Variants in FARS2 observed in about 807,000 individuals in gnomAD.
FARS2 encodes phenylalanine--tRNA ligase, mitochondrial.
In FARS2, 40 loss-of-function variants were observed where a neutral mutation model predicts 46.4. The ratio of observed to expected loss-of-function variants is 0.86; its 90% CI spans 0.67 to 1.12. FARS2 has a LOEUF of 1.12. Ranked by LOEUF, FARS2 falls within the 50% of genes most tolerant of loss-of-function variation. The pLI is 0.00. For missense variants in FARS2, 513 were observed against 567.9 expected, an observed-to-expected ratio of 0.90 and a Z score of 0.98; for synonymous variants, 234 against 214.9, an observed-to-expected ratio of 1.09 and a Z score of -0.78.
Position 5,710,564 on chromosome 6 carries a change from G to A in FARS2, c.1218-60727G>A, listed in dbSNP as rs1349485728. ...TGCGGCTTCCCCCGCTCACTTCCCC[G>A]GGGGGCTTCCTAGGCCACAGCACGG... On this transcript the variant is annotated intron_variant, in intron 6 of 6. Coordinates refer to ENST00000274680, the MANE Select transcript of FARS2 (RefSeq NM_006567.5). 1.1e-4 allele frequency among the ~76,000 whole-genome samples: 16 copies of A among 152,286 alleles called. No individual in the cohort carries two copies. The East Asian group carries it at 2.1e-3, about 20-fold the overall frequency.
intron 4 of FARS2, among the ~76,000 whole-genome samples, chr6:5,481,161 C>T (rs1766432611): frequency 6.6e-6 from 1 of 152,228 alleles, no homozygotes; most frequent in Non-Finnish European, 1.5e-5. Flanking sequence ...GCACAAGCAT[C>T]TTCTCGTCTC....
intron 1 of FARS2, among the ~76,000 whole-genome samples, chr6:5,289,210 C>G (rs185103832): frequency 1.6e-4 from 24 of 152,260 alleles, no homozygotes; most frequent in Admixed American, 1.6e-3. Context: ...AGTTTTAATG[C>G]TTAGAAGTTT....
upstream of FARS2, chr6:5,260,667 A>G: frequency 1.3e-6 from 2 of 1,544,694 alleles, no homozygotes; most frequent in South Asian, 2.4e-5. Context: ...TAGGCGCTGA[A>G]ACGCTTGCTC....
chr6:5,456,731 A>AAAAAAG (rs1491355493), intron 4 of FARS2, among the ~76,000 whole-genome samples: 1 of 15,910 alleles, frequency 6.3e-5, no homozygotes, highest in Non-Finnish European at 1.3e-4. Flanking sequence ...ACTCCATCTC[A>AAAAAAG]AAAAAAAAAA....
chr6:5,596,759 A>G (rs1022992695), intron 5 of FARS2, among the ~76,000 whole-genome samples: 3 of 152,210 alleles, frequency 2.0e-5, no homozygotes, highest in Non-Finnish European at 4.4e-5. Context: ...GTCGGATGTG[A>G]ATGCCCCTGC....
intron 6 of FARS2, among the ~76,000 whole-genome samples, chr6:5,743,307 C>T (rs1761456659): frequency 6.6e-6 from 1 of 152,140 alleles, no homozygotes; most frequent in South Asian, 2.1e-4. Flanking sequence ...CAGAGACCTC[C>T]TTTCACCCAC....
intron 6 of FARS2, among the ~76,000 whole-genome samples, chr6:5,652,306 A>T (rs1282822244): frequency 1.3e-5 from 2 of 152,084 alleles, no homozygotes; most frequent in Non-Finnish European, 2.9e-5. Context: ...CTGTGGCAGG[A>T]TAGGGGATGG....
chr6:5,689,431 T>C, intron 6 of FARS2, among the ~76,000 whole-genome samples: 1 of 152,214 alleles, frequency 6.6e-6, no homozygotes, highest in Non-Finnish European at 1.5e-5. Flanking sequence ...AGAACATCTT[T>C]ATTTCTGCCT....
At chr6:5,263,435 T>G (rs1765333938) in intron 1 of FARS2, among the ~76,000 whole-genome samples, 1 of 152,216 alleles carries the variant, frequency 6.6e-6, no homozygotes, top group Admixed American at 6.5e-5. Flanking sequence ...ACCAATGTGT[T>G]GGACATCATT....
intron 4 of FARS2, among the ~76,000 whole-genome samples, chr6:5,455,578 T>C (rs1764801736): frequency 6.6e-6 from 1 of 152,240 alleles, no homozygotes; most frequent in Non-Finnish European, 1.5e-5. Flanking sequence ...ATTACCTTAA[T>C]ATCCTGTGTC....
At chr6:5,541,417 C>G (rs1770625972) in intron 4 of FARS2, among the ~76,000 whole-genome samples, 1 of 152,180 alleles carries the variant, frequency 6.6e-6, no homozygotes, top group Non-Finnish European at 1.5e-5. Flanking sequence ...GTAAACACCC[C>G]ACAATCAAGA....
chr6:5,448,247 C>A (rs982837851), intron 4 of FARS2, among the ~76,000 whole-genome samples: 1 of 151,954 alleles, frequency 6.6e-6, no homozygotes, highest in Non-Finnish European at 1.5e-5. Context: ...GAAGGGAAGG[C>A]GATGAGAAAG....
intron 6 of FARS2, among the ~76,000 whole-genome samples, chr6:5,629,907 C>A (rs1776221738): frequency 6.6e-6 from 1 of 152,028 alleles, no homozygotes; most frequent in African/African-American, 2.4e-5. Context: ...AGAGTCCTGA[C>A]CTGTGCGGCC....
chr6:5,293,230 G>A (rs1189925019), intron 1 of FARS2, among the ~76,000 whole-genome samples: 2 of 152,190 alleles, frequency 1.3e-5, no homozygotes, highest in Non-Finnish European at 1.5e-5. Flanking sequence ...ATACAAGGCC[G>A]TGAAAGAGGG....
chr6:5,613,144 A>G (rs1328517322), intron 5 of FARS2, 25 bp from the exon 6 acceptor site: 3 of 1,600,050 alleles, frequency 1.9e-6, no homozygotes, highest in Non-Finnish European at 2.6e-6. Flanking sequence ...AAGTTCATGT[A>G]TCTTTTCTCC....
At chr6:5,265,880 C>T (rs1209457475) in intron 1 of FARS2, among the ~76,000 whole-genome samples, 4 of 152,156 alleles carry the variant, frequency 2.6e-5, no homozygotes, top group Admixed American at 6.5e-5. Context: ...TTGGGCCACA[C>T]CTCAGACCAA....
intron 4 of FARS2, among the ~76,000 whole-genome samples, chr6:5,512,931 C>T (rs1768546314): frequency 6.6e-6 from 1 of 152,136 alleles, no homozygotes; most frequent in Non-Finnish European, 1.5e-5. Context: ...GACTGATGTC[C>T]AGTCATCAGA....
chr6:5,640,566 A>G (rs74727168), intron 6 of FARS2, among the ~76,000 whole-genome samples: 229 of 152,326 alleles, frequency 1.5e-3, no homozygotes, highest in African/African-American at 5.2e-3. Flanking sequence ...CTACCTCTAA[A>G]TTATCAGGCC....
At chr6:5,769,420 C>T (rs1185514075) in intron 6 of FARS2, among the ~76,000 whole-genome samples, 3 of 152,148 alleles carry the variant, frequency 2.0e-5, no homozygotes, top group East Asian at 3.8e-4. Context: ...TGTCTCGCTG[C>T]GTTTTGGTGC....
Sources: gnomAD v4.1 joint callset for allele counts (sites outside exome capture counted in the v4.1 genomes callset) on GRCh38, gnomAD v4.1.1 for gene constraint, MANE v1.5 for transcripts, NCBI Gene and HGNC (gene_info 2026-07-23, HGNC 2026-07-21) for gene names.